DNAH7: variants seen among roughly 807,000 people sequenced by gnomAD.
DNAH7 encodes the protein axonemal beta dynein heavy chain 7.
A neutral mutation model predicts 444.6 loss-of-function variants in DNAH7; 397 were observed. The ratio of observed to expected loss-of-function variants is 0.89; its 90% CI spans 0.82 to 0.97. The LOEUF is 0.97. Among genes scored for constraint, DNAH7 ranks in the 50% least tolerant of loss-of-function variants. The pLI, the probability that DNAH7 is intolerant of heterozygous loss-of-function variation, is 0.00. For synonymous variants in DNAH7, 1,636 were observed against 1,624.4 expected (o/e 1.01, Z -0.17); for missense variants, 4,902 against 4,800.8 (o/e 1.02, Z -0.62).
chr2:196,018,241 T>C (rs1014133322), intron 9 of DNAH7, among the ~76,000 whole-genome samples: 2 of 152,152 alleles, frequency 1.3e-5, no homozygotes, highest in African/African-American at 2.4e-5. Flanking sequence ...AATGATGATA[T>C]AGCATTTTAC....
At chr2:195,999,183 A>C in intron 12 of DNAH7, 1 of 717,464 alleles carries the variant, frequency 1.4e-6, no homozygotes, top group South Asian at 1.5e-5. Flanking sequence ...CAGAATGCTG[A>C]AAGGTGACAG....
chr2:196,010,178 CT>C (rs1369590528), intron 10 of DNAH7, among the ~76,000 whole-genome samples: 2 of 150,074 alleles, frequency 1.3e-5, no homozygotes, highest in East Asian at 3.9e-4. Context: ...GAGCCAGAGT[CT>C]TGCTCAGCCA....
At chr2:195,879,350 G>A (rs1020075636) in intron 36 of DNAH7, among the ~76,000 whole-genome samples, 3 of 152,154 alleles carry the variant, frequency 2.0e-5, no homozygotes, top group Admixed American at 2.0e-4. Flanking sequence ...ACAATTAATA[G>A]AGTATGGTTC....
At chr2:195,966,044 GATT>G (rs1354822956) in intron 17 of DNAH7, among the ~76,000 whole-genome samples, 1 of 151,596 alleles carries the variant, frequency 6.6e-6, no homozygotes, top group Admixed American at 6.6e-5. Context: ...TGCATAATTA[GATT>G]TTTTTGTTTG....
At chr2:196,067,502 A>G (rs1698493025) in intron 1 of DNAH7, among the ~76,000 whole-genome samples, 1 of 152,224 alleles carries the variant, frequency 6.6e-6, no homozygotes, top group Admixed American at 6.5e-5. Context: ...TATTATTAAT[A>G]CCAATACTAA....
intron 61 of DNAH7, 137 bp downstream of exon 61, chr2:195,771,523 G>T (rs1364874096): frequency 1.5e-5 from 10 of 673,762 alleles, no homozygotes; most frequent in Non-Finnish European, 2.0e-5. Context: ...TCAAGGGCAA[G>T]AATTATTTTC....
intron 1 of DNAH7, among the ~76,000 whole-genome samples, chr2:196,067,066 A>C (rs1028057230): frequency 6.6e-6 from 1 of 152,176 alleles, no homozygotes; most frequent in Non-Finnish European, 1.5e-5. Flanking sequence ...AATAAATCAC[A>C]ACCTTTCTGG....
chr2:195,891,426 T>C (rs1230433400), intron 31 of DNAH7, among the ~76,000 whole-genome samples: 1 of 152,070 alleles, frequency 6.6e-6, no homozygotes, highest in Non-Finnish European at 1.5e-5. Flanking sequence ...TTTTTTTTTT[T>C]CTACCCTCTC....
chr2:195,955,140 C>G (rs1046480892), intron 19 of DNAH7, among the ~76,000 whole-genome samples: 12 of 152,102 alleles, frequency 7.9e-5, no homozygotes, highest in African/African-American at 1.9e-4. Flanking sequence ...TTTTCTTCTA[C>G]AGTTTTTATG....
intron 36 of DNAH7, among the ~76,000 whole-genome samples, chr2:195,878,391 G>A (rs1314690766): frequency 2.0e-5 from 3 of 152,134 alleles, no homozygotes; most frequent in African/African-American, 7.2e-5. Flanking sequence ...AGGATTGCTT[G>A]AGCCCAGGAG....
At chr2:195,743,463 T>C (rs1432749251) in intron 63 of DNAH7, among the ~76,000 whole-genome samples, 1 of 138,758 alleles carries the variant, frequency 7.2e-6, no homozygotes, top group Admixed American at 7.6e-5. Context: ...CCCCTTTTCA[T>C]TGTATTTTAA....
intron 61 of DNAH7, among the ~76,000 whole-genome samples, chr2:195,763,027 G>A (rs1414521448): frequency 2.6e-5 from 4 of 151,960 alleles, no homozygotes; most frequent in African/African-American, 9.7e-5. Context: ...CTGACTACAT[G>A]GAATAAAACA....
At chr2:195,892,492 T>A (rs79670362) in intron 30 of DNAH7, 3 of 148,856 alleles carry the variant, frequency 2.0e-5, no homozygotes, top group Non-Finnish European at 4.4e-5. Context: ...TTTTTTTTTT[T>A]AATTAACTGG....
At chr2:196,020,776 AACTTTT>A (rs1488986511) in intron 8 of DNAH7, among the ~76,000 whole-genome samples, 4 of 152,032 alleles carry the variant, frequency 2.6e-5, no homozygotes. Flanking sequence ...ATGCCCAGCT[AACTTTT>A]GTATTTTCAG....
chr2:195,926,700 T>A, intron 21 of DNAH7, 134 bp from the exon 22 acceptor site: 1 of 722,778 alleles, frequency 1.4e-6, no homozygotes, highest in Non-Finnish European at 2.0e-6. Flanking sequence ...AAGACTCACT[T>A]AAACCGTGTG....
intron 5 of DNAH7, among the ~76,000 whole-genome samples, chr2:196,034,659 G>A (rs547853541): frequency 1.3e-5 from 2 of 152,320 alleles, no homozygotes; most frequent in South Asian, 2.1e-4. Flanking sequence ...ATCAAGACAA[G>A]TATGGTACTG....
chr2:195,780,361 GTCTT>G (rs1695314275), intron 58 of DNAH7, among the ~76,000 whole-genome samples: 1 of 151,874 alleles, frequency 6.6e-6, no homozygotes, highest in African/African-American at 2.4e-5. Context: ...AACTGAATCA[GTCTT>G]TCAGATAAAA....
intron 5 of DNAH7, among the ~76,000 whole-genome samples, chr2:196,041,192 GA>G (rs1280234728): frequency 6.6e-6 from 1 of 151,796 alleles, no homozygotes; most frequent in African/African-American, 2.4e-5. Flanking sequence ...CACAGACATA[GA>G]AAAAACAATC....
chr2:195,767,887 G>A (rs1045814646), intron 61 of DNAH7, among the ~76,000 whole-genome samples: 13 of 151,654 alleles, frequency 8.6e-5, no homozygotes, highest in African/African-American at 2.9e-4. Flanking sequence ...ACATGGCAAC[G>A]GAATGAAATA....
Sources: gnomAD v4.1 joint callset for allele counts (sites outside exome capture counted in the v4.1 genomes callset) on GRCh38, gnomAD v4.1.1 for gene constraint, MANE v1.5 for transcripts, NCBI Gene and HGNC (gene_info 2026-07-23, HGNC 2026-07-21) for gene names.